MINDY3: variants seen among roughly 807,000 people sequenced by gnomAD.
MINDY3 encodes ubiquitin carboxyl-terminal hydrolase MINDY-3.
In MINDY3, 38 loss-of-function variants were observed where a neutral mutation model predicts 69.2. The observed-to-expected ratio is 0.55, with a 90% CI of 0.42 to 0.72. MINDY3 has a LOEUF of 0.72. Ranked by LOEUF, MINDY3 falls within the 30% of genes least tolerant of loss-of-function variation. The pLI is 0.00. For synonymous variants in MINDY3, 192 were observed against 180.1 expected (o/e 1.07, Z -0.53); for missense variants, 522 against 519.0 (o/e 1.01, Z -0.06).
chr10:15,785,653 A>C (rs547480861), intron 13 of MINDY3, among the ~76,000 whole-genome samples: 1 of 152,318 alleles, frequency 6.6e-6, no homozygotes, highest in African/African-American at 2.4e-5. Context: ...TAAGAAGTCC[A>C]GTAGTCTACA....
intron 10 of MINDY3, among the ~76,000 whole-genome samples, chr10:15,808,403 T>A (rs774291681): frequency 6.6e-6 from 1 of 152,180 alleles, no homozygotes; most frequent in Non-Finnish European, 1.5e-5. Flanking sequence ...ACTTTACAGC[T>A]TTTCCTTAAC....
chr10:15,856,857 T>C (rs1431055875), intron 1 of MINDY3, among the ~76,000 whole-genome samples: 2 of 152,218 alleles, frequency 1.3e-5, no homozygotes, highest in Non-Finnish European at 2.9e-5. Flanking sequence ...GTCCGCTTCT[T>C]ACCATCTCCA....
intron 3 of MINDY3, among the ~76,000 whole-genome samples, chr10:15,842,904 C>CAAAAAAAAAAA (rs370464190): frequency 2.9e-5 from 2 of 68,238 alleles, no homozygotes; most frequent in Non-Finnish European, 5.9e-5. Context: ...AATAAGACTA[C>CAAAAAAAAAAA]AAAAAAAAAA....
rs1277783664 is a variant in MINDY3 at position 15,778,792 on chromosome 10, G to A, written c.*200C>T. 6.8e-6 allele frequency: 3 copies of A among 442,144 alleles called. No individual in the cohort carries two copies. Among genetic ancestry groups the A allele is most frequent in the Non-Finnish European group, 1.2e-5 (3 of 255,738 alleles). The allele number at this position is 442,144 out of a possible 1,614,324, so 27.4% of individuals were successfully genotyped here. On this transcript the variant is annotated 3_prime_UTR_variant, in exon 15 of 15. Transcript: ENST00000277632. ...ATTTTGCTAGTAAATTTCACACGAA[G>A]GGGTAAAATAGGATAATCTTTAACA...
intron 8 of MINDY3, among the ~76,000 whole-genome samples, chr10:15,827,310 G>C (rs1228267893): frequency 6.6e-6 from 1 of 151,992 alleles, no homozygotes; most frequent in Non-Finnish European, 1.5e-5. Flanking sequence ...GGAAGGCCGA[G>C]GTTGACGGAT....
intron 3 of MINDY3, among the ~76,000 whole-genome samples, chr10:15,841,835 T>A (rs1185886639): frequency 6.6e-6 from 1 of 151,686 alleles, no homozygotes; most frequent in African/African-American, 2.4e-5. Flanking sequence ...AAAAGAATAC[T>A]GAAAAATGCA....
intron 8 of MINDY3, among the ~76,000 whole-genome samples, chr10:15,830,399 G>A (rs1840376444): frequency 6.6e-6 from 1 of 152,180 alleles, no homozygotes; most frequent in African/African-American, 2.4e-5. Flanking sequence ...TGAGAAAGAG[G>A]CACTGAGTGA....
At chr10:15,845,146 T>G (rs141601152) in intron 2 of MINDY3, among the ~76,000 whole-genome samples, 171 of 152,344 alleles carry the variant, frequency 1.1e-3, no homozygotes, top group African/African-American at 4.0e-3. Flanking sequence ...AAGGATACAT[T>G]TGATATATGG....
At chr10:15,856,335 A>C (rs1834689054) in intron 1 of MINDY3, among the ~76,000 whole-genome samples, 1 of 151,806 alleles carries the variant, frequency 6.6e-6, no homozygotes, top group Non-Finnish European at 1.5e-5. Flanking sequence ...CATATTACGT[A>C]ACAAAAATTG....
chr10:15,798,514 A>G (rs1838011180), intron 10 of MINDY3, among the ~76,000 whole-genome samples: 1 of 148,060 alleles, frequency 6.8e-6, no homozygotes. Flanking sequence ...ACGGTGTGTC[A>G]CGCCTGTAAT....
In MINDY3 at chr10:15,847,906, T is replaced by C; in HGVS notation, c.132A>G (p.Glu44=). ...VFSESEGSAL[E]QFEGGPCAVI... ...CAGCACAGGGGCCACCTTCAAACTG[T>C]TCTAATGCAGATCCCTCTGATTCAC... The change falls in exon 2 of 15, where the codon GAA becomes GAG. Residue 44 remains glutamate (E), a synonymous_variant. Transcript: ENST00000277632. 1 of 1,614,044 alleles carries C rather than the reference T, an allele frequency of 6.2e-7. No individual in the cohort carries two copies. Among genetic ancestry groups the C allele is most frequent in the South Asian group, 1.1e-5 (1 of 91,078 alleles).
intron 10 of MINDY3, among the ~76,000 whole-genome samples, chr10:15,801,242 A>T (rs781487817): frequency 6.6e-6 from 1 of 152,184 alleles, no homozygotes; most frequent in African/African-American, 2.4e-5. Flanking sequence ...CTAGGATTTA[A>T]GACAGAAAGG....
chr10:15,838,407 G>A, intron 4 of MINDY3, 128 bp from the exon 5 acceptor site: 1 of 665,176 alleles, frequency 1.5e-6, no homozygotes, highest in Non-Finnish European at 2.3e-6. Flanking sequence ...AAAATTCTCA[G>A]TTTATTTTCA....
At chr10:15,841,802 T>C (rs1796090810) in intron 3 of MINDY3, among the ~76,000 whole-genome samples, 1 of 151,584 alleles carries the variant, frequency 6.6e-6, no homozygotes, top group African/African-American at 2.4e-5. Flanking sequence ...AATAAAGCCA[T>C]CCAAATAACA....
chr10:15,843,409 G>C lies in MINDY3; in HGVS notation c.175-137C>G, dbSNP rs183629635. The C allele has an allele frequency of 1.2e-4, 80 of 687,358 alleles. No individual in the cohort carries two copies. The African/African-American group carries it at 1.2e-3, about 10-fold the overall frequency. The allele number at this position is 687,358 out of a possible 1,614,324, so 42.6% of individuals were successfully genotyped here. On this transcript the variant is annotated intron_variant, in intron 2 of 14. Transcript: ENST00000277632. ...CTAGTTCTGTAAAGATGTCAAATGG[G>C]TTCCCCTCACATTTGACAGGAACTG...
intron 1 of MINDY3, among the ~76,000 whole-genome samples, chr10:15,853,840 G>C (rs1834491495): frequency 6.6e-6 from 1 of 151,884 alleles, no homozygotes; most frequent in Non-Finnish European, 1.5e-5. Flanking sequence ...AAATAAGTGA[G>C]CTTGACATTT....
At chr10:15,811,642 G>C (rs1564482790) in intron 10 of MINDY3, among the ~76,000 whole-genome samples, 1 of 152,064 alleles carries the variant, frequency 6.6e-6, no homozygotes, top group African/African-American at 2.4e-5. Context: ...TACTATTTAA[G>C]AAAATGTCAA....
At chr10:15,781,001 A>T (rs1320439194) in intron 14 of MINDY3, among the ~76,000 whole-genome samples, 1 of 152,152 alleles carries the variant, frequency 6.6e-6, no homozygotes. Flanking sequence ...CCTATCTTGC[A>T]GGGATTGTGT....
chr10:15,833,480 T>C (rs951485082), intron 8 of MINDY3, 150 bp downstream of exon 8: 2 of 509,564 alleles, frequency 3.9e-6, no homozygotes, highest in Non-Finnish European at 3.5e-6. Flanking sequence ...CTTAACATTA[T>C]GGTGCCTTGA....
Sources: gnomAD v4.1 joint callset for allele counts (sites outside exome capture counted in the v4.1 genomes callset) on GRCh38, gnomAD v4.1.1 for gene constraint, MANE v1.5 for transcripts, NCBI Gene and HGNC (gene_info 2026-07-23, HGNC 2026-07-21) for gene names.